The following PSD3 variants were observed in gnomAD, a reference collection of about 807,000 sequenced individuals.
PSD3 encodes PH and SEC7 domain-containing protein 3.
Under a neutral mutation model 105.5 loss-of-function variants are expected in PSD3, and 49 were observed. The observed-to-expected ratio is 0.46, with a 90% CI of 0.37 to 0.59. The LOEUF is 0.59. PSD3 is among the 20% of genes least tolerant of loss of function. The probability of loss-of-function intolerance (pLI) is 0.00; values close to 1 mark genes in which losing one functional copy is unlikely to be tolerated. For synonymous variants in PSD3, 557 were observed against 457.8 expected (o/e 1.22, Z -2.77); for missense variants, 1,561 against 1,263.8 (o/e 1.24, Z -3.57).
At chr8:18,590,236 A>C (rs1159849255) in intron 12 of PSD3, among the ~76,000 whole-genome samples, 1 of 152,220 alleles carries the variant, frequency 6.6e-6, no homozygotes, top group African/African-American at 2.4e-5. Flanking sequence ...ATTCCTTCCC[A>C]GTCTCCATTC....
chr8:19,080,181 G>A (rs921788119), intron 1 of PSD3, among the ~76,000 whole-genome samples: 14 of 152,104 alleles, frequency 9.2e-5, no homozygotes. Context: ...AAGCCACCGC[G>A]CCTGGCCAAA....
intron 2 of PSD3, among the ~76,000 whole-genome samples, chr8:18,922,862 T>C (rs1300180887): frequency 2.0e-5 from 3 of 152,154 alleles, no homozygotes; most frequent in South Asian, 2.1e-4. Context: ...GGGCAAGGCA[T>C]GTGGGAGGGG....
intron 11 of PSD3, among the ~76,000 whole-genome samples, chr8:18,627,134 G>T (rs1806539003): frequency 6.6e-6 from 1 of 152,068 alleles, no homozygotes; most frequent in African/African-American, 2.4e-5. Context: ...TAATTCTGAA[G>T]AGAAAGAAAC....
At position 18,801,636 on chromosome 8, in the gene PSD3, C is replaced by T. The variant is rs527831528; in HGVS notation, c.1911-254G>A. On this transcript the variant is annotated intron_variant, in intron 6 of 15. Coordinates refer to ENST00000327040, the MANE Select transcript of PSD3 (RefSeq NM_015310.4). ...CTTGAGGTCAGGGGTTCAAAACCAGCCTGGCCAACATGGCGAAACCCCATC... is the reference window on the plus strand; with the variant it reads ...CTTGAGGTCAGGGGTTCAAAACCAGTCTGGCCAACATGGCGAAACCCCATC... Among the ~76,000 whole-genome samples the T allele has an allele frequency of 5.9e-5, 9 of 152,198 alleles. No individual in the cohort carries two copies. The East Asian group carries it at 1.5e-3, about 26-fold the overall frequency.
Position 18,619,899 on chromosome 8 carries a change from T to C in PSD3, c.2410+12714A>G, listed in dbSNP as rs193146170. On this transcript the variant is annotated intron_variant, in intron 11 of 15. Coordinates refer to ENST00000327040, the MANE Select transcript of PSD3 (RefSeq NM_015310.4). ...CCTTTGTGGGGGAAATTAACATCTTTGGAGAATCGCCATTGATGCAGCCAG... is the reference window on the plus strand; with the variant it reads ...CCTTTGTGGGGGAAATTAACATCTTCGGAGAATCGCCATTGATGCAGCCAG... Among the ~76,000 whole-genome samples, 308 of 152,308 alleles carry C rather than the reference T, an allele frequency of 2.0e-3. 7 individuals are homozygous for C. The highest frequency in any genetic ancestry group is 2.5e-3 in the East Asian group (13 of 5,174).
intron 2 of PSD3, among the ~76,000 whole-genome samples, chr8:18,895,059 C>T (rs1224258342): frequency 6.6e-6 from 1 of 152,158 alleles, no homozygotes; most frequent in Non-Finnish European, 1.5e-5. Context: ...TGAAAGACAC[C>T]AACGGAAAAC....
At position 18,948,548 on chromosome 8, in the gene PSD3, T is replaced by TA. The variant is rs563516655; in HGVS notation, c.22-12407dup. Among the ~76,000 whole-genome samples, 813 of 152,326 alleles carry TA rather than the reference T, an allele frequency of 5.3e-3. 5 individuals are homozygous for TA. The highest frequency in any genetic ancestry group is 9.6e-3 in the Non-Finnish European group (651 of 68,026). On this transcript the variant is annotated intron_variant, in intron 1 of 15. Coordinates refer to ENST00000327040, the MANE Select transcript of PSD3 (RefSeq NM_015310.4). ...TACTGAGAACAATCAAAACAAGTAC[T>TA]ATGCAAAGCAGAGACTACAGGCTCA...
At position 18,876,403 on chromosome 8, in the gene PSD3, T is replaced by C. The variant is rs554324846; in HGVS notation, c.131-3670A>G. Reference sequence around the variant, plus strand: ...TACATTTTTTCTTTTCTTCCTTTTTTTGAGACAGGGTCTCACTCTGTCACC... The same window carrying C: ...TACATTTTTTCTTTTCTTCCTTTTTCTGAGACAGGGTCTCACTCTGTCACC... On this transcript the variant is annotated intron_variant, in intron 2 of 15. Transcript: ENST00000327040. 5.9e-5 allele frequency among the ~76,000 whole-genome samples: 9 copies of C among 152,104 alleles called. No homozygotes were observed. In the South Asian group the frequency reaches 1.9e-3, roughly 32 times the overall value.
intron 4 of PSD3, among the ~76,000 whole-genome samples, chr8:18,816,532 G>A (rs537459344): frequency 2.6e-5 from 4 of 152,160 alleles, no homozygotes; most frequent in Non-Finnish European, 5.9e-5. Flanking sequence ...AAGGACATCT[G>A]TATATGTGTT....
intron 9 of PSD3, among the ~76,000 whole-genome samples, chr8:18,667,974 C>G (rs966493920): frequency 2.0e-5 from 3 of 152,246 alleles, no homozygotes; most frequent in Admixed American, 1.3e-4. Context: ...CCGGCCGCTC[C>G]AAGTGTGGGG....
At chr8:18,844,530 C>T (rs1051710242) in intron 4 of PSD3, among the ~76,000 whole-genome samples, 1 of 152,028 alleles carries the variant, frequency 6.6e-6, no homozygotes, top group Non-Finnish European at 1.5e-5. Flanking sequence ...TCTTATTGTT[C>T]TCTACCCTTG....
intron 1 of PSD3, among the ~76,000 whole-genome samples, chr8:19,020,067 G>T (rs1041307868): frequency 1.3e-5 from 2 of 152,038 alleles, no homozygotes; most frequent in African/African-American, 4.8e-5. Context: ...CTTCTTATGG[G>T]TAGTTATTCT....
chr8:18,665,479 C>A (rs951953816), intron 9 of PSD3, among the ~76,000 whole-genome samples: 3 of 152,122 alleles, frequency 2.0e-5, no homozygotes, highest in African/African-American at 7.2e-5. Flanking sequence ...TATGGATGAG[C>A]AAAGAAAGTA....
At chr8:18,831,940 C>G (rs1195285363) in intron 4 of PSD3, among the ~76,000 whole-genome samples, 2 of 151,944 alleles carry the variant, frequency 1.3e-5, no homozygotes, top group Non-Finnish European at 2.9e-5. Flanking sequence ...GGTAAGTTTA[C>G]TATAACTTGA....
At chr8:19,011,802 C>T (rs1038842938) in intron 1 of PSD3, among the ~76,000 whole-genome samples, 5 of 151,726 alleles carry the variant, frequency 3.3e-5, no homozygotes, top group African/African-American at 9.7e-5. Flanking sequence ...CATTCAACCA[C>T]GGAATTTGGC....
intron 1 of PSD3, among the ~76,000 whole-genome samples, chr8:19,045,551 G>T (rs1177082673): frequency 6.6e-6 from 1 of 152,192 alleles, no homozygotes; most frequent in East Asian, 1.9e-4. Flanking sequence ...TGGTTTCTAG[G>T]ACCGATTCTA....
intron 11 of PSD3, among the ~76,000 whole-genome samples, chr8:18,612,833 T>C (rs1046728972): frequency 6.6e-6 from 1 of 152,190 alleles, no homozygotes; most frequent in Non-Finnish European, 1.5e-5. Context: ...ACAATAAAAG[T>C]AGACAATAGA....
chr8:18,792,902 A>G (rs1190694860), intron 8 of PSD3, among the ~76,000 whole-genome samples: 1 of 152,214 alleles, frequency 6.6e-6, no homozygotes, highest in African/African-American at 2.4e-5. Context: ...CACTATTCAC[A>G]ATAGCGAAGA....
intron 9 of PSD3, among the ~76,000 whole-genome samples, chr8:18,693,375 C>T (rs1266833689): frequency 6.6e-6 from 1 of 152,200 alleles, no homozygotes; most frequent in Non-Finnish European, 1.5e-5. Flanking sequence ...CCAAACGGAC[C>T]TGTGTTCATA....
Sources: allele counts gnomAD v4.1 joint callset (sites outside exome capture counted in the v4.1 genomes callset), GRCh38; gene constraint gnomAD v4.1.1; transcripts MANE v1.5; gene names NCBI Gene and HGNC (gene_info 2026-07-23, HGNC 2026-07-21).